The following NRXN3 variants were observed in gnomAD, a reference collection of about 807,000 sequenced individuals.
The protein encoded by NRXN3 is neurexin 3.
Under a neutral mutation model 137.6 loss-of-function variants are expected in NRXN3, and 32 were observed. The ratio of observed to expected loss-of-function variants is 0.23; its 90% CI spans 0.18 to 0.31. NRXN3 has a LOEUF of 0.31. Ranked by LOEUF, NRXN3 falls within the 10% of genes least tolerant of loss-of-function variation. The pLI is 1.00. For synonymous variants in NRXN3, 798 were observed against 784.5 expected, an observed-to-expected ratio of 1.02 and a Z score of -0.29; for missense variants, 1,574 against 2,062.5, an observed-to-expected ratio of 0.76 and a Z score of 4.59.
intron 4 of NRXN3, among the ~76,000 whole-genome samples, chr14:78,419,929 CTGTGTGCACG>C (rs1206152348): frequency 2.0e-5 from 3 of 148,362 alleles, no homozygotes; most frequent in African/African-American, 7.8e-5. Flanking sequence ...GTATATATAT[CTGTGTGCACG>C]TGTGTGCGCG....
chr14:79,804,525 G>C (rs1029833890), intron 19 of NRXN3, among the ~76,000 whole-genome samples: 1 of 152,056 alleles, frequency 6.6e-6, no homozygotes, highest in African/African-American at 2.4e-5. Flanking sequence ...TCATGCTACT[G>C]GTCTACATTA....
At chr14:79,554,268 G>A (rs1007841119) in intron 16 of NRXN3, among the ~76,000 whole-genome samples, 1 of 152,096 alleles carries the variant, frequency 6.6e-6, no homozygotes, top group Non-Finnish European at 1.5e-5. Context: ...ATCTGGGTGG[G>A]GAGAAGGTAC....
intron 15 of NRXN3, among the ~76,000 whole-genome samples, chr14:79,368,919 C>G (rs1019038981): frequency 6.6e-6 from 1 of 152,186 alleles, no homozygotes; most frequent in Non-Finnish European, 1.5e-5. Flanking sequence ...CATCAAAAGG[C>G]CACTGAAATC....
intron 15 of NRXN3, among the ~76,000 whole-genome samples, chr14:79,394,757 C>T (rs1180731900): frequency 6.6e-6 from 1 of 152,134 alleles, no homozygotes; most frequent in Non-Finnish European, 1.5e-5. Context: ...CCAGGGGAGT[C>T]AGCCTTTTGA....
chr14:78,680,494 A>C (rs1312825928), intron 6 of NRXN3, among the ~76,000 whole-genome samples: 3 of 152,206 alleles, frequency 2.0e-5, no homozygotes, highest in Non-Finnish European at 4.4e-5. Flanking sequence ...AGAATTTTGG[A>C]TTGGCTGCAC....
intron 4 of NRXN3, among the ~76,000 whole-genome samples, chr14:78,371,803 G>A (rs1343801134): frequency 6.6e-6 from 1 of 152,210 alleles, no homozygotes; most frequent in Non-Finnish European, 1.5e-5. Context: ...AAGGATCAAG[G>A]GAACTATTCT....
chr14:79,277,652 G>T (rs1296333472), intron 15 of NRXN3, among the ~76,000 whole-genome samples: 1 of 152,190 alleles, frequency 6.6e-6, no homozygotes, highest in Non-Finnish European at 1.5e-5. Flanking sequence ...TCATTTTACA[G>T]AGGAGGAAAC....
At chr14:78,544,326 A>G (rs1249414013) in intron 4 of NRXN3, among the ~76,000 whole-genome samples, 1 of 152,224 alleles carries the variant, frequency 6.6e-6, no homozygotes, top group Non-Finnish European at 1.5e-5. Context: ...ACTTGTAGGC[A>G]TGCAGTGTTA....
intron 16 of NRXN3, among the ~76,000 whole-genome samples, chr14:79,472,993 C>T (rs2096528210): frequency 6.6e-6 from 1 of 152,144 alleles, no homozygotes; most frequent in Non-Finnish European, 1.5e-5. Flanking sequence ...ATGTAATTTA[C>T]AGTAAATCCT....
intron 16 of NRXN3, among the ~76,000 whole-genome samples, chr14:79,481,931 G>A (rs1388837463): frequency 1.3e-5 from 2 of 152,068 alleles, no homozygotes; most frequent in Non-Finnish European, 2.9e-5. Context: ...AAGAGTTGTG[G>A]GCCCAGGTGG....
At chr14:79,056,085 A>T (rs143985920) in intron 15 of NRXN3, among the ~76,000 whole-genome samples, 40 of 152,326 alleles carry the variant, frequency 2.6e-4, no homozygotes, top group African/African-American at 7.9e-4. Flanking sequence ...GCCATAATAC[A>T]GGTGGCAAAT....
At chr14:78,518,959 C>T (rs1204781361) in intron 4 of NRXN3, among the ~76,000 whole-genome samples, 1 of 152,096 alleles carries the variant, frequency 6.6e-6, no homozygotes, top group Non-Finnish European at 1.5e-5. Flanking sequence ...TAACCTTAAT[C>T]AGGAACTGTC....
intron 4 of NRXN3, among the ~76,000 whole-genome samples, chr14:78,363,886 C>G (rs2085504470): frequency 6.6e-6 from 1 of 152,188 alleles, no homozygotes; most frequent in Non-Finnish European, 1.5e-5. Context: ...GAGAACCTCC[C>G]TTCTCAAATT....
chr14:79,306,075 T>C (rs538608044), intron 15 of NRXN3, among the ~76,000 whole-genome samples: 44 of 152,232 alleles, frequency 2.9e-4, no homozygotes, highest in African/African-American at 1.0e-3. Flanking sequence ...AATGAGCATG[T>C]GTTGACCGTA....
chr14:78,725,498 C>T (rs2098478931), intron 8 of NRXN3, among the ~76,000 whole-genome samples: 1 of 152,216 alleles, frequency 6.6e-6, no homozygotes, highest in Admixed American at 6.5e-5. Context: ...ATCTCTTTGT[C>T]CCATGGCTCA....
At chr14:79,819,477 A>G (rs2099263723) in intron 20 of NRXN3, among the ~76,000 whole-genome samples, 2 of 72,064 alleles carry the variant, frequency 2.8e-5, no homozygotes, top group African/African-American at 6.5e-5. Context: ...ACAGGACATT[A>G]AAAGCTTTTT....
At chr14:79,403,576 C>G (rs926743267) in intron 15 of NRXN3, among the ~76,000 whole-genome samples, 28 of 152,180 alleles carry the variant, frequency 1.8e-4, no homozygotes, top group Non-Finnish European at 1.3e-4. Flanking sequence ...ACATCATGAT[C>G]TATGTTCTCA....
rs1436459767 is a variant in NRXN3 at position 79,196,561 on chromosome 14, A to G, written c.3262+208420A>G. On this transcript the variant is annotated intron_variant, in intron 15 of 20. Transcript: ENST00000335750. Reference sequence around the variant, plus strand: ...GCATTGGGAATTAACTTTCCAACACATGCACTCTGGGGGACACATTCGAAC... The same window carrying G: ...GCATTGGGAATTAACTTTCCAACACGTGCACTCTGGGGGACACATTCGAAC... 2.6e-5 allele frequency among the ~76,000 whole-genome samples: 4 copies of G among 151,716 alleles called. No individual in the cohort carries two copies. In the East Asian group the frequency reaches 8.1e-4, roughly 31 times the overall value.
At chr14:78,813,455 C>T (rs1198311727) in intron 10 of NRXN3, among the ~76,000 whole-genome samples, 1 of 152,084 alleles carries the variant, frequency 6.6e-6, no homozygotes, top group Non-Finnish European at 1.5e-5. Context: ...AGCCTTACCT[C>T]TTGCTGCTAT....
Sources: allele counts gnomAD v4.1 joint callset (sites outside exome capture counted in the v4.1 genomes callset), GRCh38; gene constraint gnomAD v4.1.1; transcripts MANE v1.5; gene names NCBI Gene and HGNC (gene_info 2026-07-23, HGNC 2026-07-21).